The following SRGAP2 variants were observed in gnomAD, a reference collection of about 807,000 sequenced individuals.
The protein encoded by SRGAP2 is SLIT-ROBO Rho GTPase-activating protein 2.
In SRGAP2, 15 loss-of-function variants were observed where a neutral mutation model predicts 57.2. That is an observed-to-expected ratio of 0.26 (90% CI 0.18 to 0.40). The LOEUF (loss-of-function observed/expected upper bound fraction) is 0.40, where lower values mean the gene tolerates loss of function less well. Among genes scored for constraint, SRGAP2 ranks in the 10% least tolerant of loss-of-function variants. The pLI, the probability that SRGAP2 is intolerant of heterozygous loss-of-function variation, is 1.00. For missense variants in SRGAP2, 520 were observed against 669.6 expected (o/e 0.78, Z 2.47); for synonymous variants, 249 against 248.0 (o/e 1.00, Z -0.04).
intron 8 of SRGAP2, among the ~76,000 whole-genome samples, chr1:206,402,666 A>G (rs1658297210): frequency 6.6e-6 from 1 of 151,250 alleles, no homozygotes; most frequent in Non-Finnish European, 1.5e-5. Context: ...TCTCCCATGG[A>G]GGCAAGGTGA....
Position 206,373,006 on chromosome 1 carries a change from T to C in SRGAP2, c.424-11008T>C, listed in dbSNP as rs1305951340. 2.0e-4 allele frequency among the ~76,000 whole-genome samples: 24 copies of C among 121,084 alleles called. 1 individual carries two copies. Among genetic ancestry groups the C allele is most frequent in the African/African-American group, 7.4e-4 (23 of 31,198 alleles). The allele number at this position is 121,084 out of a possible 152,430, so 79.4% of individuals were successfully genotyped here. A position where few individuals can be genotyped will look rare whatever the true frequency, so the allele number is the denominator to read the frequency against. On this transcript the variant is annotated intron_variant, in intron 4 of 22. Coordinates refer to ENST00000573034, the MANE Select transcript of SRGAP2 (RefSeq NM_015326.5). ...CTTTCTTTCTTTCTTTCTTTCTTTCTTTCTTTCTTTCTTTCTTTCTTTTCT... is the reference window on the plus strand; with the variant it reads ...CTTTCTTTCTTTCTTTCTTTCTTTCCTTCTTTCTTTCTTTCTTTCTTTTCT...
At chr1:206,419,225 G>GTC (rs371788234) in intron 11 of SRGAP2, 148 bp from the exon 12 acceptor site, 139 of 617,682 alleles carry the variant, frequency 2.3e-4, no homozygotes, top group Admixed American at 1.0e-3. Flanking sequence ...GTCTCTCTCT[G>GTC]TCTCTCTCTC....
At chr1:206,422,068 G>A (rs1262913328) in intron 13 of SRGAP2, among the ~76,000 whole-genome samples, 2 of 152,210 alleles carry the variant, frequency 1.3e-5, no homozygotes, top group East Asian at 1.9e-4. Flanking sequence ...GAGGGCGGGT[G>A]GAGAGAGCTC....
chr1:206,373,845 G>A (rs1166124777), intron 4 of SRGAP2, among the ~76,000 whole-genome samples: 1 of 147,236 alleles, frequency 6.8e-6, no homozygotes, highest in Middle Eastern at 3.2e-3. Context: ...GAATTAAAAT[G>A]GGAACTAGAT....
At chr1:206,409,524 G>A (rs1293419866) in intron 10 of SRGAP2, among the ~76,000 whole-genome samples, 21 of 152,126 alleles carry the variant, frequency 1.4e-4, no homozygotes, top group Admixed American at 1.2e-3. Flanking sequence ...GCTCATGCCT[G>A]TAATCCCAGC....
At position 206,353,619 on chromosome 1, in the gene SRGAP2, C is replaced by T. The variant is rs554624513; in HGVS notation, c.423+10611C>T. 1.1e-3 allele frequency among the ~76,000 whole-genome samples: 171 copies of T among 151,960 alleles called. 2 individuals carry two copies. The highest frequency in any genetic ancestry group is 4.0e-3 in the African/African-American group (167 of 41,350). On this transcript the variant is annotated intron_variant, in intron 4 of 22. Transcript: ENST00000573034. ...CTGAGGCAGGAGAATCACTTGAACC[C>T]GGAAGGTGGAGTTTGCAATGAGCTG...
intron 3 of SRGAP2, among the ~76,000 whole-genome samples, chr1:206,307,947 T>C (rs1396198247): frequency 1.3e-5 from 2 of 152,136 alleles, no homozygotes; most frequent in Non-Finnish European, 2.9e-5. Flanking sequence ...TCCATTAAAG[T>C]GGGAGCCCAG....
chr1:206,267,005 G>A (rs1343585030), intron 2 of SRGAP2, among the ~76,000 whole-genome samples: 16 of 113,648 alleles, frequency 1.4e-4, no homozygotes, highest in African/African-American at 3.5e-5. Context: ...GTCTTGCTCT[G>A]TCGCCCAGGC....
At chr1:206,411,802 T>A (rs1553359742) in intron 10 of SRGAP2, among the ~76,000 whole-genome samples, 1 of 152,256 alleles carries the variant, frequency 6.6e-6, no homozygotes, top group East Asian at 1.9e-4. Context: ...CTCTTACTAC[T>A]TTTTTAAGGC....
At chr1:206,285,040 G>A (rs1453604171) in intron 2 of SRGAP2, among the ~76,000 whole-genome samples, 4 of 150,666 alleles carry the variant, frequency 2.7e-5, no homozygotes, top group East Asian at 3.9e-4. Flanking sequence ...CCATGATTGC[G>A]GTTAGCAGTG....
chr1:206,289,467 C>T (rs1486047931), intron 2 of SRGAP2, among the ~76,000 whole-genome samples: 4 of 151,558 alleles, frequency 2.6e-5, no homozygotes, highest in Admixed American at 6.6e-5. Flanking sequence ...TTAGTAGAGA[C>T]GGGGTTTCAC....
intron 2 of SRGAP2, among the ~76,000 whole-genome samples, chr1:206,254,304 A>C (rs557719139): frequency 2.8e-4 from 40 of 144,266 alleles, no homozygotes; most frequent in Admixed American, 4.2e-4. Flanking sequence ...TGTTTCATCT[A>C]CTTCAATCTC....
intron 4 of SRGAP2, among the ~76,000 whole-genome samples, chr1:206,372,989 CTTTCTT>C: frequency 1.1e-5 from 1 of 91,432 alleles, no homozygotes; most frequent in African/African-American, 4.6e-5. Flanking sequence ...TTCTTTCTTT[CTTTCTT>C]TCTTTCTTTC....
In SRGAP2 at chr1:206,458,681, G is replaced by A. The variant is rs1553379304; in HGVS notation, c.2566G>A (p.Gly856Arg). The part of the protein sequence containing the change: ...IRKTFRSDSH[G>R]LSSSLTDSSS... ...GAAAACTTTTCGGAGTGACAGCCAT[G>A]GGCTGAGCAGTTCCCTGACTGACTC... The change falls in exon 22 of 23, where the codon GGG becomes AGG. Residue 856 changes from glycine (G) to arginine (R), a missense_variant. Around this residue, in one of 5 missense-constraint regions of SRGAP2, gnomAD observed 478 missense variants for 373.6 expected, o/e 1.28. Coordinates refer to ENST00000573034, the MANE Select transcript of SRGAP2 (RefSeq NM_015326.5). 1.3e-6 allele frequency: 1 copy of A among 778,654 alleles called. No homozygotes were observed. The highest frequency in any genetic ancestry group is 2.4e-6 in the Non-Finnish European group (1 of 416,972). The allele number at this position is 778,654 out of a possible 1,614,324, so 48.2% of individuals were successfully genotyped here.
chr1:206,234,559 A>G (rs1204051820), intron 2 of SRGAP2, among the ~76,000 whole-genome samples: 1 of 152,214 alleles, frequency 6.6e-6, no homozygotes, highest in East Asian at 1.9e-4. Flanking sequence ...CTTAGAAAAC[A>G]GTGGGCTTCC....
chr1:206,232,217 G>A (rs1164869374), intron 2 of SRGAP2, among the ~76,000 whole-genome samples: 16 of 152,224 alleles, frequency 1.1e-4, no homozygotes, highest in African/African-American at 3.1e-4. Context: ...GGTTTACATA[G>A]TGGAGAGGTG....
chr1:206,446,165 C>A lies in SRGAP2; in HGVS notation c.1965C>A (p.His655Gln). 1.3e-6 allele frequency: 1 copy of A among 780,936 alleles called. No homozygotes were observed. The highest frequency in any genetic ancestry group is 2.4e-6 in the Non-Finnish European group (1 of 418,006). 48.4% of individuals were successfully genotyped at this position (780,936 alleles called of 1,614,324 possible). A position where few individuals can be genotyped will look rare whatever the true frequency, so the allele number is the denominator to read the frequency against. The change falls in exon 18 of 23, where the codon CAC becomes CAA. Residue 655 changes from histidine (H) to glutamine (Q), a missense_variant. His to Gln is a conservative substitution (Grantham distance 24). This residue lies in a region of SRGAP2 where 478 missense variants were observed against 373.6 expected (regional missense o/e 1.28). Coordinates refer to ENST00000573034, the MANE Select transcript of SRGAP2 (RefSeq NM_015326.5). Reference sequence around the variant, plus strand: ...CGCTAATGTCAGTGCCAGAGGGCCACGACCAGGTGTCCTGCCAAGCCCACG... The same window carrying A: ...CGCTAATGTCAGTGCCAGAGGGCCAAGACCAGGTGTCCTGCCAAGCCCACG... ...GPSLMSVPEG[H>Q]DQVSCQAHVN... is the part of the protein sequence containing the mutation.
intron 22 of SRGAP2, 42 bp from the exon 23 acceptor site, chr1:206,460,995 T>C (rs928728680): frequency 2.0e-5 from 13 of 664,896 alleles, no homozygotes; most frequent in Non-Finnish European, 2.7e-5. Context: ...TGGGGAATTC[T>C]CCCCTCATTT....
intron 2 of SRGAP2, among the ~76,000 whole-genome samples, chr1:206,278,326 TTTCTTCTTTC>T (rs1670535533): frequency 6.6e-6 from 1 of 150,442 alleles, no homozygotes; most frequent in South Asian, 2.1e-4. Context: ...TTTAAAATTT[TTTCTTCTTTC>T]TTCTACTTTT....
Sources: allele counts gnomAD v4.1 joint callset (sites outside exome capture counted in the v4.1 genomes callset), GRCh38; gene constraint gnomAD v4.1.1; regional missense constraint gnomAD v4.1.1; transcripts MANE v1.5; gene names NCBI Gene and HGNC (gene_info 2026-07-23, HGNC 2026-07-21).